Variants in FBXO10 observed in about 807,000 individuals in gnomAD.
FBXO10 encodes F-box only protein 10.
Under a neutral mutation model 80.7 loss-of-function variants are expected in FBXO10, and 39 were observed. That is an observed-to-expected ratio of 0.48 (90% CI 0.37 to 0.63). The LOEUF (loss-of-function observed/expected upper bound fraction) is 0.63. Among genes scored for constraint, FBXO10 ranks in the 30% least tolerant of loss-of-function variants. The probability of loss-of-function intolerance (pLI) is 0.00; values close to 1 mark genes in which losing one functional copy is unlikely to be tolerated. For synonymous variants in FBXO10, 449 were observed against 489.6 expected (o/e 0.92, Z 1.09); for missense variants, 1,025 against 1,269.0 (o/e 0.81, Z 2.92).
At chr9:37,559,879 C>T (rs748094411) in intron 1 of FBXO10, among the ~76,000 whole-genome samples, 3 of 152,182 alleles carry the variant, frequency 2.0e-5, no homozygotes, top group African/African-American at 4.8e-5. Context: ...AAAAATACAC[C>T]TTTGTTTGGG....
At chr9:37,558,007 G>A (rs1331629682) in intron 1 of FBXO10, among the ~76,000 whole-genome samples, 1 of 152,180 alleles carries the variant, frequency 6.6e-6, no homozygotes, top group Non-Finnish European at 1.5e-5. Context: ...TAAGAGCTTT[G>A]ACGTACTTGT....
At position 37,512,487 on chromosome 9, in the gene FBXO10, T is replaced by C. The variant is rs1238450027; in HGVS notation, c.*60A>G. On this transcript the variant is annotated 3_prime_UTR_variant, in exon 11 of 11. Coordinates refer to ENST00000432825, the MANE Select transcript of FBXO10 (RefSeq NM_012166.3). ...AGGGGCGGAGTCTTTTCAGGCAGTA[T>C]TTCCACCTTAGCTCCTCTGAGCACC... The C allele has an allele frequency of 1.3e-6, 2 of 1,560,124 alleles. No homozygotes were observed. Among genetic ancestry groups the C allele is most frequent in the African/African-American group, 2.7e-5 (2 of 73,708 alleles).
intron 4 of FBXO10, among the ~76,000 whole-genome samples, chr9:37,531,702 G>T (rs542588665): frequency 8.5e-5 from 13 of 152,236 alleles, no homozygotes; most frequent in African/African-American, 2.6e-4. Context: ...CTTATTAACG[G>T]GGAGATGACC....
intron 7 of FBXO10, among the ~76,000 whole-genome samples, chr9:37,522,176 G>A (rs1821362406): frequency 6.6e-6 from 1 of 152,226 alleles, no homozygotes; most frequent in Admixed American, 6.5e-5. Context: ...AGCCTCAGTT[G>A]GAATCCCAGC....
chr9:37,524,159 A>G (rs1044926193), intron 6 of FBXO10, among the ~76,000 whole-genome samples: 1 of 152,106 alleles, frequency 6.6e-6, no homozygotes, highest in African/African-American at 2.4e-5. Flanking sequence ...CCTACACGGA[A>G]GGTTCTTTCC....
At chr9:37,563,687 C>T (rs10973414) in intron 1 of FBXO10, among the ~76,000 whole-genome samples, 77,889 of 151,982 alleles carry the variant, frequency 0.51, 20,158 homozygotes, top group African/African-American at 0.58. Context: ...CCCTAGAGAT[C>T]TGTGGAACTT....
chr9:37,538,738 G>A (rs983742727), intron 2 of FBXO10, among the ~76,000 whole-genome samples: 1 of 151,340 alleles, frequency 6.6e-6, no homozygotes, highest in African/African-American at 2.4e-5. Context: ...ATGGGCTCCG[G>A]GGGTTGACTG....
intron 1 of FBXO10, among the ~76,000 whole-genome samples, chr9:37,554,258 C>G (rs1321274789): frequency 6.6e-6 from 1 of 152,190 alleles, no homozygotes; most frequent in African/African-American, 2.4e-5. Flanking sequence ...CACTGGCAAC[C>G]ATTAATCTGT....
At chr9:37,543,203 G>C (rs1371384777) in intron 1 of FBXO10, among the ~76,000 whole-genome samples, 1 of 152,148 alleles carries the variant, frequency 6.6e-6, no homozygotes, top group African/African-American at 2.4e-5. Flanking sequence ...CTACCTACTT[G>C]CTTTTTCTGG....
At chr9:37,545,643 A>G (rs1173205350) in intron 1 of FBXO10, among the ~76,000 whole-genome samples, 1 of 152,174 alleles carries the variant, frequency 6.6e-6, no homozygotes, top group South Asian at 2.1e-4. Context: ...TGAATACCCA[A>G]TTCTCTTTTG....
chr9:37,536,978 T>C lies in FBXO10; in HGVS notation c.1419+132A>G, dbSNP rs1017963428. 2.0e-5 allele frequency: 13 copies of C among 656,946 alleles called. No homozygotes were observed. The East Asian group carries it at 2.8e-4, about 14-fold the overall frequency. 40.7% of individuals were successfully genotyped at this position (656,946 alleles called of 1,614,324 possible). ...GCGTTTCTGTCCTTTCCAAATCAGATGATGGGCATGACGTCAAGCGTGCGT... is the reference window on the plus strand; with the variant it reads ...GCGTTTCTGTCCTTTCCAAATCAGACGATGGGCATGACGTCAAGCGTGCGT... On this transcript the variant is annotated intron_variant, in intron 3 of 10. Transcript: ENST00000432825.
intron 1 of FBXO10, among the ~76,000 whole-genome samples, chr9:37,560,733 T>A (rs1006768366): frequency 2.0e-5 from 3 of 152,150 alleles, no homozygotes; most frequent in Non-Finnish European, 4.4e-5. Context: ...CCAGAGCCTG[T>A]GCACCTGGAG....
At chr9:37,545,931 G>T (rs925271308) in intron 1 of FBXO10, among the ~76,000 whole-genome samples, 2 of 152,188 alleles carry the variant, frequency 1.3e-5, no homozygotes, top group African/African-American at 4.8e-5. Context: ...TGGATCACTT[G>T]AAGTCGGGAG....
Position 37,541,108 on chromosome 9 carries a change from G to A in FBXO10, c.585+76C>T, listed in dbSNP as rs181100348. The A allele has an allele frequency of 2.4e-5, 31 of 1,298,094 alleles. 1 individual carries two copies. The African/African-American group carries it at 4.4e-4, about 19-fold the overall frequency. The allele number at this position is 1,298,094 out of a possible 1,614,324, so 80.4% of individuals were successfully genotyped here. A position where few individuals can be genotyped will look rare whatever the true frequency, so the allele number is the denominator to read the frequency against. On this transcript the variant is annotated intron_variant, in intron 2 of 10. Coordinates refer to ENST00000432825, the MANE Select transcript of FBXO10 (RefSeq NM_012166.3). ...TAACTTTCAATTCCAACAAAAAAAG[G>A]GATTAAAAGCCCAGAAAAGAGGGCA...
At chr9:37,542,596 C>CA (rs34458549) in intron 1 of FBXO10, among the ~76,000 whole-genome samples, 80,670 of 126,014 alleles carry the variant, frequency 0.64, 26,501 homozygotes, top group South Asian at 0.75. Context: ...ATCTCCATCT[C>CA]AAAAAAAAAA....
chr9:37,529,988 A>G (rs774742936), intron 4 of FBXO10, among the ~76,000 whole-genome samples: 20 of 152,054 alleles, frequency 1.3e-4, no homozygotes, highest in Non-Finnish European at 2.1e-4. Context: ...ATTCATTTCT[A>G]ATATCTCTTT....
At chr9:37,568,664 G>A (rs1419713008) in intron 1 of FBXO10, among the ~76,000 whole-genome samples, 1 of 152,118 alleles carries the variant, frequency 6.6e-6, no homozygotes, top group Middle Eastern at 3.2e-3. Flanking sequence ...AGGATAAACG[G>A]AGTTCATGTG....
chr9:37,519,058 C>T (rs910838526), intron 8 of FBXO10, among the ~76,000 whole-genome samples: 1 of 152,078 alleles, frequency 6.6e-6, no homozygotes, highest in African/African-American at 2.4e-5. Flanking sequence ...TACAGGCACC[C>T]GCCACCACGC....
chr9:37,539,028 C>G (rs997585022), intron 2 of FBXO10, among the ~76,000 whole-genome samples: 1 of 152,170 alleles, frequency 6.6e-6, no homozygotes, highest in Non-Finnish European at 1.5e-5. Flanking sequence ...CACTCACTCT[C>G]TATTCCTGAA....
Sources: gnomAD v4.1 joint callset for allele counts (sites outside exome capture counted in the v4.1 genomes callset) on GRCh38, gnomAD v4.1.1 for gene constraint, MANE v1.5 for transcripts, NCBI Gene and HGNC (gene_info 2026-07-23, HGNC 2026-07-21) for gene names.